Variants in DRAM1 observed in about 807,000 individuals in gnomAD.
DRAM1 encodes the protein DNA damage regulated autophagy modulator 1, also known as DNA damage-regulated autophagy modulator protein 1.
DRAM1 carries 25 observed loss-of-function variants against 28.5 expected under a neutral mutation model. The ratio of observed to expected loss-of-function variants is 0.88; its 90% CI spans 0.64 to 1.23. The LOEUF (loss-of-function observed/expected upper bound fraction) is 1.23. Ranked by LOEUF, DRAM1 falls within the 50% of genes most tolerant of loss-of-function variation. The probability of loss-of-function intolerance (pLI) is 0.00; values close to 1 mark genes in which losing one functional copy is unlikely to be tolerated. For synonymous variants in DRAM1, 113 were observed against 114.2 expected (o/e 0.99, Z 0.07); for missense variants, 249 against 299.2 (o/e 0.83, Z 1.24).
intron 2 of DRAM1, among the ~76,000 whole-genome samples, chr12:101,899,550 G>A (rs773889838): frequency 1.3e-5 from 2 of 152,006 alleles, no homozygotes; most frequent in Non-Finnish European, 2.9e-5. Context: ...GTGGTGATGT[G>A]TGCCTGTAGT....
At chr12:101,912,555 A>G (rs1874080115) in intron 4 of DRAM1, among the ~76,000 whole-genome samples, 1 of 152,140 alleles carries the variant, frequency 6.6e-6, no homozygotes, top group South Asian at 2.1e-4. Context: ...AGGCTTTTAA[A>G]CTATTAGAAA....
rs999938946 is a variant in DRAM1 at position 101,877,935 on chromosome 12, G to C, written c.131+15G>C. On this transcript the variant is annotated intron_variant, in intron 1 of 6. Transcript: ENST00000258534. The surrounding 1 kb of genome is among the most constrained non-coding windows in gnomAD (Gnocchi z 4.1). ...CCGTATATCAGGTGAGTGGCAGGGT[G>C]GGCGTCAGGGCCCCAGGAGCAGGCA... 2.6e-6 allele frequency: 4 copies of C among 1,517,142 alleles called. No individual in the cohort carries two copies. In the African/African-American group the frequency reaches 5.5e-5, roughly 21 times the overall value. The allele number at this position is 1,517,142 out of a possible 1,614,324, so 94.0% of individuals were successfully genotyped here.
intron 1 of DRAM1, among the ~76,000 whole-genome samples, chr12:101,878,839 A>G (rs1040031236): frequency 6.6e-6 from 1 of 151,984 alleles, no homozygotes; most frequent in Non-Finnish European, 1.5e-5. Flanking sequence ...TAGAAAATGT[A>G]GGGCGTCTTC....
chr12:101,895,999 G>A (rs1873355971), intron 1 of DRAM1, among the ~76,000 whole-genome samples: 1 of 152,100 alleles, frequency 6.6e-6, no homozygotes, highest in African/African-American at 2.4e-5. Flanking sequence ...CGATTCTCCT[G>A]CCTCAGCCTC....
intron 1 of DRAM1, among the ~76,000 whole-genome samples, chr12:101,881,300 C>T (rs1305708173): frequency 1.3e-5 from 2 of 152,056 alleles, no homozygotes; most frequent in Admixed American, 6.6e-5. Flanking sequence ...AAGAACCAGA[C>T]ATAGAGAAGT....
In DRAM1 at chr12:101,889,450, A is replaced by G. The variant is rs939310172; in HGVS notation, c.132-8413A>G. Among the ~76,000 whole-genome samples, 4 of 151,694 alleles carry G rather than the reference A, an allele frequency of 2.6e-5. No homozygotes were observed. In the Admixed American group the frequency reaches 2.6e-4, roughly 10 times the overall value. ...TATTAAACCTCCACTCAGACAAGAA[A>G]AGAGACGAGATGAGACGAGATGAGA... On this transcript the variant is annotated intron_variant, in intron 1 of 6. Transcript: ENST00000258534.
At chr12:101,878,908 G>T (rs1872592003) in intron 1 of DRAM1, among the ~76,000 whole-genome samples, 1 of 151,658 alleles carries the variant, frequency 6.6e-6, no homozygotes, top group African/African-American at 2.4e-5. Context: ...TTGTTTGTTT[G>T]TTTTTTTCCT....
chr12:101,895,186 GTTTTTTTTTTTTTTT>G (rs574722379), intron 1 of DRAM1, among the ~76,000 whole-genome samples: 5,933 of 75,896 alleles, frequency 0.078, 381 homozygotes, highest in African/African-American at 0.22. Context: ...AACCCTTCAG[GTTTTTTTTTTTTTTT>G]TTTTTTTTTT....
At chr12:101,898,521 A>G (rs1873473476) in intron 2 of DRAM1, among the ~76,000 whole-genome samples, 1 of 152,226 alleles carries the variant, frequency 6.6e-6, no homozygotes, top group African/African-American at 2.4e-5. Context: ...TAGTTTTTAA[A>G]AGTGTTGATT....
At chr12:101,902,635 T>G (rs1450234171) in intron 3 of DRAM1, among the ~76,000 whole-genome samples, 1 of 152,230 alleles carries the variant, frequency 6.6e-6, no homozygotes, top group African/African-American at 2.4e-5. Flanking sequence ...TTAAACCATT[T>G]AAGGGCTGAC....
intron 1 of DRAM1, among the ~76,000 whole-genome samples, chr12:101,883,268 G>C (rs1313537595): frequency 6.7e-6 from 1 of 150,270 alleles, no homozygotes. Flanking sequence ...GGGGAAAAAG[G>C]ATAATTATAA....
chr12:101,903,959 A>ACACACC lies in DRAM1; in HGVS notation c.342+2529_342+2530insACCCAC, dbSNP rs754896759. ...CACACACACACACACACACACACAC[A>ACACACC]CACCCCTATAAGCCTCATAAATATG... On this transcript the variant is annotated intron_variant, in intron 3 of 6. Coordinates refer to ENST00000258534, the MANE Select transcript of DRAM1 (RefSeq NM_018370.3). Among the ~76,000 whole-genome samples, 368 of 124,342 alleles carry ACACACC rather than the reference A, an allele frequency of 3.0e-3. 1 individual carries two copies. The highest frequency in any genetic ancestry group is 0.011 in the African/African-American group (207 of 19,632). 81.6% of individuals were successfully genotyped at this position (124,342 alleles called of 152,430 possible). A position where few individuals can be genotyped will look rare whatever the true frequency, so the allele number is the denominator to read the frequency against.
chr12:101,908,151 C>G, intron 3 of DRAM1, 35 bp from the exon 4 acceptor site: 1 of 1,567,898 alleles, frequency 6.4e-7, no homozygotes, highest in Non-Finnish European at 8.6e-7. Context: ...GACAAACCCA[C>G]CCAGAGTAAC....
rs766240540 is a variant in DRAM1, at chr12:101,914,200, A to G, written c.547A>G (p.Ile183Val). Residue 183 changes from isoleucine to valine, a missense_variant, in exon 5 of 7, where the codon ATA (isoleucine) becomes GTA (valine). Coordinates refer to ENST00000258534, the MANE Select transcript of DRAM1 (RefSeq NM_018370.3). ...PMIVCASLIS[I>V]TKLEWNPREK... Reference sequence around the variant, plus strand: ...GATTGTCTGTGCTTCACTAATTTCCATAACCAAGCTGGAGTGGAATCCAAG... The same window carrying G: ...GATTGTCTGTGCTTCACTAATTTCCGTAACCAAGCTGGAGTGGAATCCAAG... 6 of 1,609,392 alleles carry G rather than the reference A, an allele frequency of 3.7e-6. No homozygotes were observed. The highest frequency in any genetic ancestry group is 1.7e-5 in the Admixed American group (1 of 58,264).
intron 4 of DRAM1, among the ~76,000 whole-genome samples, chr12:101,911,885 T>G (rs1874052660): frequency 6.6e-6 from 1 of 152,200 alleles, no homozygotes; most frequent in South Asian, 2.1e-4. Flanking sequence ...AATATTTTTA[T>G]GTGTTGGGTT....
chr12:101,908,109 G>A, intron 3 of DRAM1, 77 bp from the exon 4 acceptor site: 2 of 1,304,912 alleles, frequency 1.5e-6, no homozygotes, highest in South Asian at 2.9e-5. Context: ...GCTCAAAGCA[G>A]CCCAGAGTGA....
chr12:101,877,823 C>T lies in DRAM1; in HGVS notation c.34C>T (p.Pro12Ser). Reference sequence around the variant, plus strand: ...CTTCCTGAGGGGAATGGCTTTCGTCCCCTTCCTCTTGGTGACCTGGTCGTC... The same window carrying T: ...CTTCCTGAGGGGAATGGCTTTCGTCTCCTTCCTCTTGGTGACCTGGTCGTC... ...LCFLRGMAFVPFLLVTWSSAA... is the reference protein window; with the variant it reads ...LCFLRGMAFVSFLLVTWSSAA... The change falls in exon 1 of 7, where the codon CCC becomes TCC. Residue 12 changes from proline (P) to serine (S), a missense_variant. Physicochemically the swap from Pro to Ser is moderately conservative, Grantham distance 74. Around this residue, in one of 3 missense-constraint regions of DRAM1, gnomAD observed 218 missense variants for 243.1 expected, o/e 0.90. Transcript: ENST00000258534. The surrounding 1 kb of genome is among the most constrained non-coding windows in gnomAD (Gnocchi z 4.1). 1.3e-6 allele frequency: 2 copies of T among 1,546,568 alleles called. No individual in the cohort carries two copies. Among genetic ancestry groups the T allele is most frequent in the South Asian group, 1.2e-5 (1 of 83,540 alleles).
At chr12:101,892,985 A>T (rs1219809312) in intron 1 of DRAM1, among the ~76,000 whole-genome samples, 3 of 152,240 alleles carry the variant, frequency 2.0e-5, no homozygotes, top group Non-Finnish European at 4.4e-5. Flanking sequence ...GTACTGTTGC[A>T]GTGCAAAGGT....
chr12:101,902,012 G>A (rs574416229), intron 3 of DRAM1, among the ~76,000 whole-genome samples: 89 of 152,274 alleles, frequency 5.8e-4, no homozygotes, highest in African/African-American at 2.1e-3. Flanking sequence ...GTGGTTTGAT[G>A]TGTTGGGAGA....
Sources: gnomAD v4.1 joint callset for allele counts (sites outside exome capture counted in the v4.1 genomes callset) on GRCh38, gnomAD v4.1.1 for gene constraint, gnomAD v4.1.1 regional missense constraint, Gnocchi (gnomAD v3.1) non-coding constraint, MANE v1.5 for transcripts, NCBI Gene and HGNC (gene_info 2026-07-23, HGNC 2026-07-21) for gene names.